The following SV2A variants were observed in gnomAD, a reference collection of about 807,000 sequenced individuals.
The protein encoded by SV2A is synaptic vesicle glycoprotein 2A.
A neutral mutation model predicts 78.0 loss-of-function variants in SV2A; 25 were observed. The ratio of observed to expected loss-of-function variants is 0.32; its 90% CI spans 0.23 to 0.45. The LOEUF is 0.45. Ranked by LOEUF, SV2A falls within the 20% of genes least tolerant of loss-of-function variation. SV2A has a pLI of 1.00. For synonymous variants in SV2A, 355 were observed against 384.7 expected, an observed-to-expected ratio of 0.92 and a Z score of 0.90; for missense variants, 752 against 971.5, an observed-to-expected ratio of 0.77 and a Z score of 3.00.
At chr1:149,916,812 G>A (rs2092516954) in intron 1 of SV2A, among the ~76,000 whole-genome samples, 1 of 152,142 alleles carries the variant, frequency 6.6e-6, no homozygotes, top group Non-Finnish European at 1.5e-5. Flanking sequence ...CCCCCACCCA[G>A]GACCATCAAG....
At chr1:149,913,182 GT>G (rs781791778) in intron 2 of SV2A, 36 bp downstream of exon 2, 1 of 1,597,578 alleles carries the variant, frequency 6.3e-7, no homozygotes, top group African/African-American at 1.3e-5. Flanking sequence ...GGTTTCCAGA[GT>G]TTGAGGGGAT....
In SV2A at chr1:149,913,850, T is replaced by G. The variant is rs2092494787; in HGVS notation, c.-10A>C. ...GGAAGCCCTCTTCCATGATGGGGCT[T>G]GGGGCACTTCACTGGGTCTTCTCCA... On this transcript the variant is annotated 5_prime_UTR_variant, in exon 2 of 13. Transcript: ENST00000369146. 1 of 1,595,408 alleles carries G rather than the reference T, an allele frequency of 6.3e-7. No individual in the cohort carries two copies. Among genetic ancestry groups the G allele is most frequent in the Non-Finnish European group, 8.6e-7 (1 of 1,169,196 alleles).
Position 149,904,449 on chromosome 1 carries a change from A to C in SV2A, c.*565T>G, listed in dbSNP as rs1162836683. Reference sequence around the variant, plus strand: ...TCAGAAAGCTAATTTCATAAAATTCAGGCTTCATATTTGCAGCCCAAATTG... The same window carrying C: ...TCAGAAAGCTAATTTCATAAAATTCCGGCTTCATATTTGCAGCCCAAATTG... On this transcript the variant is annotated 3_prime_UTR_variant, in exon 13 of 13. Coordinates refer to ENST00000369146, the MANE Select transcript of SV2A (RefSeq NM_014849.5). 3 of 153,150 alleles carry C rather than the reference A, an allele frequency of 2.0e-5. No individual in the cohort carries two copies. The highest frequency in any genetic ancestry group is 4.4e-5 in the Non-Finnish European group (3 of 68,412). 9.5% of individuals were successfully genotyped at this position (153,150 alleles called of 1,614,324 possible).
intron 6 of SV2A, 41 bp downstream of exon 6, chr1:149,909,760 T>G: frequency 6.2e-7 from 1 of 1,604,880 alleles, no homozygotes; most frequent in Non-Finnish European, 8.5e-7. Context: ...GGGCTGGGGC[T>G]GCAGGGCGTG....
chr1:149,905,790 C>T lies in SV2A; in HGVS notation c.2045+90G>A, dbSNP rs1054288978. The T allele has an allele frequency of 2.6e-6, 4 of 1,527,772 alleles. No homozygotes were observed. The Admixed American group carries it at 5.2e-5, about 20-fold the overall frequency. 94.6% of individuals were successfully genotyped at this position (1,527,772 alleles called of 1,614,324 possible). The stretch of plus-strand genomic sequence containing the variant: ...GAAAATGGAAATGTATATCCTCTCA[C>T]CCCTAAGGATGCTCTTCCCATTCAG... On this transcript the variant is annotated intron_variant, in intron 12 of 12. Coordinates refer to ENST00000369146, the MANE Select transcript of SV2A (RefSeq NM_014849.5).
rs2092470538 is a variant in SV2A at position 149,910,757 on chromosome 1, C to T, written c.956-54G>A. 6.2e-7 allele frequency: 1 copy of T among 1,611,978 alleles called. No individual in the cohort carries two copies. The highest frequency in any genetic ancestry group is 1.1e-5 in the South Asian group (1 of 90,904). On this transcript the variant is annotated intron_variant, in intron 4 of 12. Coordinates refer to ENST00000369146, the MANE Select transcript of SV2A (RefSeq NM_014849.5). This position sits in a 1 kb window ranked among gnomAD's most constrained non-coding sequence, Gnocchi z 4.2. ...AGAGAGGCCAGAGGCTGGGGGAACCCACCACAGGGAGCACAGAAGAAGAGG... is the reference window on the plus strand; with the variant it reads ...AGAGAGGCCAGAGGCTGGGGGAACCTACCACAGGGAGCACAGAAGAAGAGG...
At chr1:149,908,633 G>A (rs1348780693) in intron 8 of SV2A, among the ~76,000 whole-genome samples, 5 of 149,782 alleles carry the variant, frequency 3.3e-5, no homozygotes, top group African/African-American at 9.9e-5. Context: ...AGCAAGTTTC[G>A]TCTCACTTCT....
At chr1:149,906,514 G>T in intron 11 of SV2A, 136 bp downstream of exon 11, 2 of 928,082 alleles carry the variant, frequency 2.2e-6, no homozygotes, top group Non-Finnish European at 3.2e-6. Context: ...CCATCCTGCA[G>T]CACCCCCTAA....
chr1:149,910,827 A>G lies in SV2A; in HGVS notation c.954T>C (p.Tyr318=), dbSNP rs2092471097. The change falls in exon 4 of 13, where the codon TAT becomes TAC. Residue 318 remains tyrosine (Y), a splice_region_variant and synonymous_variant. Transcript: ENST00000369146. The surrounding 1 kb of genome is among the most constrained non-coding windows in gnomAD (Gnocchi z 4.2). ...GGTGGATTTCCGGGGGCTGCTCACC[A>G]TAGTGGGGGATGATGGCCCAGGCCA... ...AAMAWAIIPH[Y]GWSFQMGSAY... is the part of the protein sequence containing the mutation. 4 of 1,614,018 alleles carry G rather than the reference A, an allele frequency of 2.5e-6. No homozygotes were observed. The highest frequency in any genetic ancestry group is 3.4e-6 in the Non-Finnish European group (4 of 1,180,002).
Position 149,913,965 on chromosome 1 carries a change from T to C in SV2A, c.-125A>G. On this transcript the variant is annotated 5_prime_UTR_variant, in exon 2 of 13. The change creates a new upstream start codon in the 5' untranslated region. Transcript: ENST00000369146. ...GTTACTTAGATGAAGCGTGTTCCAGTATCTCTGGGCACAAAAAAAAGAGCA... is the reference window on the plus strand; with the variant it reads ...GTTACTTAGATGAAGCGTGTTCCAGCATCTCTGGGCACAAAAAAAAGAGCA... 1 of 1,418,840 alleles carries C rather than the reference T, an allele frequency of 7.0e-7. No individual in the cohort carries two copies. Among genetic ancestry groups the C allele is most frequent in the Non-Finnish European group, 9.4e-7 (1 of 1,064,642 alleles). 87.9% of individuals were successfully genotyped at this position (1,418,840 alleles called of 1,614,324 possible).
At chr1:149,911,354 G>A (rs781899182) in intron 3 of SV2A, among the ~76,000 whole-genome samples, 7 of 152,262 alleles carry the variant, frequency 4.6e-5, no homozygotes, top group Non-Finnish European at 1.0e-4. Flanking sequence ...AGCAGAGTAA[G>A]CGGGCCTGCC....
chr1:149,913,688 C>G lies in SV2A; in HGVS notation c.153G>C (p.Glu51Asp). 4 of 1,614,192 alleles carry G rather than the reference C, an allele frequency of 2.5e-6. No individual in the cohort carries two copies. ...CAGGGAAGTCATCATCATCATCCTC[C>G]TCCTCAAAGCGGGAGTACGATCTTC... Reference protein sequence around the residue: ...YSRRSYSRFEEEDDDDDFPAP... With the variant: ...YSRRSYSRFEDEDDDDDFPAP... Residue 51 changes from glutamate to aspartate, a missense_variant, in exon 2 of 13, where the codon GAG becomes GAC. Around this residue, in one of 7 missense-constraint regions of SV2A, gnomAD observed 291 missense variants for 359.5 expected, o/e 0.81. Coordinates refer to ENST00000369146, the MANE Select transcript of SV2A (RefSeq NM_014849.5).
Position 149,909,235 on chromosome 1 carries a change from T to C in SV2A, c.1336A>G (p.Ile446Val), listed in dbSNP as rs1553763293. The C allele has an allele frequency of 1.2e-6, 2 of 1,613,878 alleles. No individual in the cohort carries two copies. The highest frequency in any genetic ancestry group is 1.7e-6 in the Non-Finnish European group (2 of 1,179,998). ...LSCFGPEYRR[I>V]TLMMMGVWFT... ...CACACACCCATCATCATCAGAGTGA[T>C]GCGCCGATATTCGGGACCAAAACAG... Residue 446 changes from isoleucine (I) to valine (V), a missense_variant, in exon 8 of 13, where the codon ATC becomes GTC. By Grantham distance (29) the Ile-to-Val change is conservative. This residue lies in a region of SV2A where 136 missense variants were observed against 132.3 expected (regional missense o/e 1.03). Transcript: ENST00000369146.
At chr1:149,914,440 C>T (rs587696674) in intron 1 of SV2A, among the ~76,000 whole-genome samples, 1 of 152,296 alleles carries the variant, frequency 6.6e-6, no homozygotes, top group Admixed American at 6.5e-5. Context: ...AGTCACCTAC[C>T]CCCAAACCCA....
chr1:149,909,609 G>T, intron 6 of SV2A, 38 bp from the exon 7 acceptor site: 1 of 1,586,666 alleles, frequency 6.3e-7, no homozygotes, highest in Non-Finnish European at 8.7e-7. Flanking sequence ...CACACACTCT[G>T]TGTTTCCCAA....
chr1:149,909,556 T>C lies in SV2A; in HGVS notation c.1195A>G (p.Thr399Ala). 6.2e-7 allele frequency: 1 copy of C among 1,613,960 alleles called. No individual in the cohort carries two copies. The highest frequency in any genetic ancestry group is 8.5e-7 in the Non-Finnish European group (1 of 1,179,912). ...ERVFSVTHIK[T>A]IHQEDELIEI... is the part of the protein sequence containing the mutation. ...ATCAATTCATCCTCCTGATGAATCG[T>C]CTTAATGTGGGTTACCTGGGGTCAA... Residue 399 changes from threonine (T) to alanine (A), a missense_variant, in exon 7 of 13, where the codon ACG becomes GCG. Thr to Ala is a moderately conservative substitution (Grantham distance 58). Coordinates refer to ENST00000369146, the MANE Select transcript of SV2A (RefSeq NM_014849.5).
intron 2 of SV2A, among the ~76,000 whole-genome samples, chr1:149,912,214 ACTCTCTTCGGTCTGT>A (rs2092479887): frequency 6.6e-6 from 1 of 151,892 alleles, no homozygotes. Flanking sequence ...CAAACTCTCC[ACTCTCTTCGGTCTGT>A]CTCATTTCTC....
chr1:149,912,789 C>T (rs367849851), intron 2 of SV2A, among the ~76,000 whole-genome samples: 5 of 150,912 alleles, frequency 3.3e-5, no homozygotes, highest in South Asian at 2.1e-4. Flanking sequence ...ACCCTCCCCC[C>T]CTCCCCCAAC....
chr1:149,909,136 C>A (rs2101617999), intron 8 of SV2A, 56 bp downstream of exon 8: 1 of 1,561,330 alleles, frequency 6.4e-7, no homozygotes, highest in Non-Finnish European at 8.8e-7. Context: ...CACCTCTCTC[C>A]CAGCCCACAC....
Sources: gnomAD v4.1 joint callset for allele counts (sites outside exome capture counted in the v4.1 genomes callset) on GRCh38, gnomAD v4.1.1 for gene constraint, gnomAD v4.1.1 regional missense constraint, Gnocchi (gnomAD v3.1) non-coding constraint, MANE v1.5 for transcripts, NCBI Gene and HGNC (gene_info 2026-07-23, HGNC 2026-07-21) for gene names.